RASA1: variants seen among roughly 807,000 people sequenced by gnomAD.
RASA1 encodes RAS p21 protein activator 1, also known as ras GTPase-activating protein 1.
A neutral mutation model predicts 132.2 loss-of-function variants in RASA1; 25 were observed. That is an observed-to-expected ratio of 0.19 (90% confidence interval 0.14 to 0.26). RASA1 has a LOEUF of 0.26. RASA1 is among the 10% of genes least tolerant of loss of function. The pLI is 1.00. For missense variants in RASA1, 964 were observed against 1,299.2 expected (o/e 0.74, Z 3.97); for synonymous variants, 477 against 449.9 (o/e 1.06, Z -0.76).
chr5:87,346,444 GA>G (rs1174648437), intron 6 of RASA1, among the ~76,000 whole-genome samples: 1 of 151,846 alleles, frequency 6.6e-6, no homozygotes, highest in African/African-American at 2.4e-5. Context: ...TATTGGTAAT[GA>G]AAATTGTAGT....
chr5:87,282,520 T>A (rs572361172), intron 1 of RASA1, among the ~76,000 whole-genome samples: 15 of 152,372 alleles, frequency 9.8e-5, no homozygotes, highest in Non-Finnish European at 1.5e-5. Flanking sequence ...AGAAGTTTAG[T>A]GATATGTCAG....
In RASA1 at chr5:87,363,341, T is replaced by A. The variant is rs1173346145; in HGVS notation, c.1454-7T>A. 6.3e-6 allele frequency: 10 copies of A among 1,596,784 alleles called. No homozygotes were observed. Among genetic ancestry groups the A allele is most frequent in the Admixed American group, 3.3e-5 (2 of 59,754 alleles). Reference sequence around the variant, plus strand: ...GCTAAGAGAAAACAATTTTTTTTTTTAAACAGGCAAAGGAAAACGTTGGAA... The same window carrying A: ...GCTAAGAGAAAACAATTTTTTTTTTAAAACAGGCAAAGGAAAACGTTGGAA... On this transcript the variant is annotated splice_region_variant and splice_polypyrimidine_tract_variant and intron_variant, in intron 10 of 24. Coordinates refer to ENST00000274376, the MANE Select transcript of RASA1 (RefSeq NM_002890.3).
intron 15 of RASA1, among the ~76,000 whole-genome samples, chr5:87,375,346 C>T (rs1342027437): frequency 1.3e-5 from 2 of 150,024 alleles, no homozygotes; most frequent in Non-Finnish European, 3.0e-5. Flanking sequence ...CTGCAACCTC[C>T]GCCTCCCAGG....
chr5:87,324,508 A>C (rs931431958), intron 1 of RASA1, among the ~76,000 whole-genome samples: 5 of 152,200 alleles, frequency 3.3e-5, no homozygotes, highest in Non-Finnish European at 7.3e-5. Flanking sequence ...AGTGTATGAT[A>C]GTGCTGTTTC....
At chr5:87,374,768 A>G in intron 14 of RASA1, 72 bp from the exon 15 acceptor site, 2 of 1,586,356 alleles carry the variant, frequency 1.3e-6, no homozygotes, top group Admixed American at 1.7e-5. Flanking sequence ...TTTATTTGAT[A>G]CTAGAACTAA....
At chr5:87,282,604 G>A (rs543586569) in intron 1 of RASA1, among the ~76,000 whole-genome samples, 13 of 152,226 alleles carry the variant, frequency 8.5e-5, no homozygotes, top group African/African-American at 2.4e-4. Flanking sequence ...CTCCAAATAC[G>A]GATGTTTTCA....
intron 1 of RASA1, among the ~76,000 whole-genome samples, chr5:87,282,545 T>TCAGA (rs1754363061): frequency 1.3e-5 from 2 of 152,336 alleles, no homozygotes; most frequent in South Asian, 4.1e-4. Flanking sequence ...TCTGTGGGTT[T>TCAGA]ACCTGTTTGA....
At chr5:87,371,294 A>G (rs1035284293) in intron 12 of RASA1, among the ~76,000 whole-genome samples, 1 of 152,030 alleles carries the variant, frequency 6.6e-6, no homozygotes, top group African/African-American at 2.4e-5. Flanking sequence ...TCAAAAAGCT[A>G]TGGTAACTGA....
chr5:87,333,422 A>G, intron 4 of RASA1, 85 bp downstream of exon 4: 1 of 1,563,828 alleles, frequency 6.4e-7, no homozygotes. Flanking sequence ...GAAGCTTTTG[A>G]AATTTGAAGA....
At chr5:87,299,560 CATA>C (rs1755268890) in intron 1 of RASA1, 1 of 151,994 alleles carries the variant, frequency 6.6e-6, no homozygotes, top group African/African-American at 2.4e-5. Context: ...AGGTACACAA[CATA>C]ATGTTTTGAT....
At chr5:87,316,653 ATC>A (rs546462458) in intron 1 of RASA1, among the ~76,000 whole-genome samples, 2 of 152,252 alleles carry the variant, frequency 1.3e-5, no homozygotes, top group South Asian at 4.2e-4. Context: ...TCCTTCCTGT[ATC>A]TGTTTTTAAT....
intron 1 of RASA1, among the ~76,000 whole-genome samples, chr5:87,273,128 A>G (rs1308683379): frequency 1.3e-5 from 2 of 152,184 alleles, no homozygotes; most frequent in East Asian, 3.8e-4. Context: ...GTCAAATGAC[A>G]ATATGTAGAT....
intron 19 of RASA1, 60 bp downstream of exon 19, chr5:87,379,910 A>T: frequency 2.6e-6 from 4 of 1,537,440 alleles, no homozygotes; most frequent in Non-Finnish European, 3.6e-6. Context: ...AGAAATTTCT[A>T]TTTCTAAAAC....
chr5:87,330,887 G>T (rs1239287427), intron 1 of RASA1: 4 of 1,154,810 alleles, frequency 3.5e-6, no homozygotes, highest in African/African-American at 3.2e-5. Context: ...CTGTTTTCCT[G>T]TCGCAGGGCA....
chr5:87,335,433 T>G (rs559084660), intron 4 of RASA1, among the ~76,000 whole-genome samples: 14 of 144,752 alleles, frequency 9.7e-5, no homozygotes, highest in East Asian at 4.0e-4. Context: ...TTTTTTTTTT[T>G]TTTTTTTTTT....
Position 87,379,846 on chromosome 5 carries a change from C to T in RASA1, c.2599C>T (p.Pro867Ser). Residue 867 changes from proline to serine, a missense_variant, in exon 19 of 25, where the codon CCA becomes TCA. Pro to Ser is a moderately conservative substitution (Grantham distance 74). This residue lies in a region of RASA1 where 346 missense variants were observed against 520.1 expected (regional missense o/e 0.67). Coordinates refer to ENST00000274376, the MANE Select transcript of RASA1 (RefSeq NM_002890.3). ...EKIFMASEIL[P>S]PTLRYIYGCL... is the part of the protein sequence containing the mutation. ...AATATTCATGGCTTCAGAAATACTTCCACCGTAAGTGGTGAAATTTTCATT... is the reference window on the plus strand; with the variant it reads ...AATATTCATGGCTTCAGAAATACTTTCACCGTAAGTGGTGAAATTTTCATT... 6.2e-7 allele frequency: 1 copy of T among 1,612,024 alleles called. No individual in the cohort carries two copies. The highest frequency in any genetic ancestry group is 8.5e-7 in the Non-Finnish European group (1 of 1,178,576).
intron 15 of RASA1, 109 bp downstream of exon 15, chr5:87,375,025 G>C (rs1761226546): frequency 7.4e-7 from 1 of 1,356,934 alleles, no homozygotes; most frequent in African/African-American, 1.5e-5. Flanking sequence ...AATGCAAGTA[G>C]TATAATTTGA....
At chr5:87,296,715 A>AT (rs1755136206) in intron 1 of RASA1, among the ~76,000 whole-genome samples, 1 of 151,720 alleles carries the variant, frequency 6.6e-6, no homozygotes, top group Non-Finnish European at 1.5e-5. Flanking sequence ...TTCTTTCAAG[A>AT]TTTTTTTCTT....
At chr5:87,325,395 T>G (rs935612685) in intron 1 of RASA1, among the ~76,000 whole-genome samples, 1 of 152,208 alleles carries the variant, frequency 6.6e-6, no homozygotes, top group African/African-American at 2.4e-5. Flanking sequence ...CAAATAAATA[T>G]GGGAGCTTAA....
Sources: allele counts gnomAD v4.1 joint callset (sites outside exome capture counted in the v4.1 genomes callset), GRCh38; gene constraint gnomAD v4.1.1; regional missense constraint gnomAD v4.1.1; transcripts MANE v1.5; gene names NCBI Gene and HGNC (gene_info 2026-07-23, HGNC 2026-07-21).